Variants in UTS2 observed in about 807,000 individuals in gnomAD.
The protein encoded by UTS2 is urotensin-2.
UTS2 carries 10 observed loss-of-function variants against 12.6 expected under a neutral mutation model. The ratio of observed to expected loss-of-function variants is 0.80; its 90% CI spans 0.49 to 1.35. The LOEUF (loss-of-function observed/expected upper bound fraction) is 1.35, where lower values mean the gene tolerates loss of function less well. UTS2 is among the 40% of genes most tolerant of loss of function. The pLI, the probability that UTS2 is intolerant of heterozygous loss-of-function variation, is 0.00. For synonymous variants in UTS2, 52 were observed against 50.0 expected, an observed-to-expected ratio of 1.04 and a Z score of -0.17; for missense variants, 142 against 143.2, an observed-to-expected ratio of 0.99 and a Z score of 0.04.
chr1:7,860,161 C>G, the UTS2 span, among the ~76,000 whole-genome samples: 18 of 152,306 alleles, frequency 1.2e-4, no homozygotes, highest in East Asian at 3.1e-3. Context: ...GACCAAGCCT[C>G]ACCGAGTTTA....
chr1:7,893,356 GC>G, the UTS2 span, among the ~76,000 whole-genome samples: 4 of 152,116 alleles, frequency 2.6e-5, no homozygotes, highest in African/African-American at 9.7e-5. Flanking sequence ...GCAAAAATTA[GC>G]CAGTGCGGTG....
chr1:7,864,073 C>G, the UTS2 span, among the ~76,000 whole-genome samples: 1 of 152,234 alleles, frequency 6.6e-6, no homozygotes, highest in Non-Finnish European at 1.5e-5. Flanking sequence ...CAGGTCACAG[C>G]GAGGCCCCAG....
rs779836045 is a variant in UTS2 at position 7,847,732 on chromosome 1, G to GT, written c.*33dup. 3 of 1,512,624 alleles carry GT rather than the reference G, an allele frequency of 2.0e-6. No individual in the cohort carries two copies. The South Asian group carries it at 3.5e-5, about 18-fold the overall frequency. 93.7% of individuals were successfully genotyped at this position (1,512,624 alleles called of 1,614,324 possible). On this transcript the variant is annotated 3_prime_UTR_variant, in exon 4 of 4. Transcript: ENST00000361696. ...TTATTTTTCATATTCTAAGATGGGTGTTTCTGAGCTGACTAACAGATGCTT... is the reference window on the plus strand; with the variant it reads ...TTATTTTTCATATTCTAAGATGGGTGTTTTCTGAGCTGACTAACAGATGCTT...
At chr1:7,880,168 G>A in the UTS2 span, among the ~76,000 whole-genome samples, 1 of 152,170 alleles carries the variant, frequency 6.6e-6, no homozygotes, top group African/African-American at 2.4e-5. Flanking sequence ...TGAGATGGGA[G>A]GATCACCTGA....
chr1:7,860,425 A>G, the UTS2 span, among the ~76,000 whole-genome samples: 1 of 152,046 alleles, frequency 6.6e-6, no homozygotes, highest in Non-Finnish European at 1.5e-5. Flanking sequence ...ATCAAAGGGG[A>G]GAAGTGTGGG....
chr1:7,899,009 T>C, the UTS2 span, among the ~76,000 whole-genome samples: 18,426 of 152,086 alleles, frequency 0.12, 2,472 homozygotes, highest in East Asian at 0.56. Flanking sequence ...GGGGAGGCCC[T>C]GGGAAACTTA....
the UTS2 span, among the ~76,000 whole-genome samples, chr1:7,869,234 G>C: frequency 6.6e-6 from 1 of 152,234 alleles, no homozygotes; most frequent in Non-Finnish European, 1.5e-5. Context: ...TGGCAGGACT[G>C]TTGGTTCCTT....
the UTS2 span, among the ~76,000 whole-genome samples, chr1:7,860,826 T>C: frequency 1.3e-5 from 2 of 151,874 alleles, no homozygotes; most frequent in African/African-American, 4.8e-5. Context: ...GAGGATCACT[T>C]GAGATCAGGA....
intron 2 of UTS2, 56 bp downstream of exon 2, chr1:7,850,756 C>G: frequency 6.5e-7 from 1 of 1,547,680 alleles, no homozygotes; most frequent in South Asian, 1.1e-5. Flanking sequence ...TGAGGACAGA[C>G]GGTAAGTTCA....
the UTS2 span, among the ~76,000 whole-genome samples, chr1:7,881,927 G>C: frequency 6.6e-6 from 1 of 152,144 alleles, no homozygotes; most frequent in Admixed American, 6.6e-5. Context: ...TATAAAAATA[G>C]ACACATAGAC....
the UTS2 span, among the ~76,000 whole-genome samples, chr1:7,866,720 G>A: frequency 6.6e-6 from 1 of 152,172 alleles, no homozygotes; most frequent in Admixed American, 6.5e-5. This position sits in a 1 kb window ranked among gnomAD's most constrained non-coding sequence, Gnocchi z 4.5. Context: ...AAGTTCAGGG[G>A]CAGTGTGTGA....
chr1:7,890,858 A>C, the UTS2 span, among the ~76,000 whole-genome samples: 1 of 151,792 alleles, frequency 6.6e-6, no homozygotes, highest in African/African-American at 2.4e-5. Context: ...AAAAAAAAAA[A>C]AAAACCTAAC....
chr1:7,853,582 G>GCAAT, upstream of UTS2: 1 of 1,107,130 alleles, frequency 9.0e-7, no homozygotes, highest in Non-Finnish European at 1.3e-6. Context: ...CATTGCTCCA[G>GCAAT]GCTCAAGACA....
At chr1:7,863,255 G>T in the UTS2 span, among the ~76,000 whole-genome samples, 1 of 151,966 alleles carries the variant, frequency 6.6e-6, no homozygotes, top group Non-Finnish European at 1.5e-5. Flanking sequence ...GGGATTACAG[G>T]CATGCACCAC....
the UTS2 span, among the ~76,000 whole-genome samples, chr1:7,906,050 A>G: frequency 6.6e-6 from 1 of 152,080 alleles, no homozygotes; most frequent in Non-Finnish European, 1.5e-5. Context: ...TGAGGAACCA[A>G]CTGCTGCTGT....
At chr1:7,866,099 G>C in the UTS2 span, among the ~76,000 whole-genome samples, 1 of 152,190 alleles carries the variant, frequency 6.6e-6, no homozygotes, top group Non-Finnish European at 1.5e-5. The surrounding 1 kb of genome is among the most constrained non-coding windows in gnomAD (Gnocchi z 4.5). Flanking sequence ...AGGGTTGGAG[G>C]AACCGTCATG....
At chr1:7,887,592 CAAAAAAAAAAAAA>C in the UTS2 span, among the ~76,000 whole-genome samples, 1 of 62,426 alleles carries the variant, frequency 1.6e-5, no homozygotes, top group Non-Finnish European at 3.0e-5. Context: ...CCAGTCTCTA[CAAAAAAAAAAAAA>C]AAAAAAAAAA....
At chr1:7,907,753 A>G in the UTS2 span, among the ~76,000 whole-genome samples, 3 of 152,162 alleles carry the variant, frequency 2.0e-5, no homozygotes, top group Non-Finnish European at 2.9e-5. Flanking sequence ...TTAGGCCCCT[A>G]TTTCAACAAC....
At chr1:7,857,275 C>A (rs1021103568), upstream of UTS2, among the ~76,000 whole-genome samples, 16 of 152,094 alleles carry the variant, frequency 1.1e-4, no homozygotes, top group Non-Finnish European at 2.9e-5. Context: ...CCTCTTCCCT[C>A]CTTCCTCTCC....
Sources: allele counts gnomAD v4.1 joint callset (sites outside exome capture counted in the v4.1 genomes callset), GRCh38; gene constraint gnomAD v4.1.1; non-coding constraint Gnocchi (gnomAD v3.1); transcripts MANE v1.5; gene names NCBI Gene and HGNC (gene_info 2026-07-23, HGNC 2026-07-21).